Variants in ADSS2 observed in about 807,000 individuals in gnomAD.
ADSS2 encodes the protein adenylosuccinate synthase 2, also known as adenylosuccinate synthetase isozyme 2.
ADSS2 carries 30 observed loss-of-function variants against 60.0 expected under a neutral mutation model. The observed-to-expected ratio is 0.50, with a 90% confidence interval of 0.37 to 0.68. ADSS2 has a LOEUF of 0.68. Ranked by LOEUF, ADSS2 falls within the 30% of genes least tolerant of loss-of-function variation. The pLI is 0.00. For missense variants in ADSS2, 373 were observed against 554.8 expected, an observed-to-expected ratio of 0.67 and a Z score of 3.29; for synonymous variants, 187 against 193.1, an observed-to-expected ratio of 0.97 and a Z score of 0.26.
At chr1:244,421,181 G>A (rs1664668353) in intron 7 of ADSS2, among the ~76,000 whole-genome samples, 1 of 152,106 alleles carries the variant, frequency 6.6e-6, no homozygotes, top group Non-Finnish European at 1.5e-5. Context: ...CCAATACTAT[G>A]TAACACATGG....
chr1:244,435,281 C>T (rs1318770421), intron 3 of ADSS2, among the ~76,000 whole-genome samples: 1 of 148,524 alleles, frequency 6.7e-6, no homozygotes, highest in African/African-American at 2.5e-5. Context: ...AATGATTTTC[C>T]TCAATTATGT....
rs1270856881 is a variant in ADSS2 at position 244,451,110 on chromosome 1, A to G, written c.183+525T>C. Among the ~76,000 whole-genome samples, 3 of 152,190 alleles carry G rather than the reference A, an allele frequency of 2.0e-5. No individual in the cohort carries two copies. The East Asian group carries it at 5.8e-4, about 29-fold the overall frequency. ...CAGAGGAAGCAAAGCACTGCATGCCACGGTCCTGCAGATGGGGGATCGGTG... is the reference window on the plus strand; with the variant it reads ...CAGAGGAAGCAAAGCACTGCATGCCGCGGTCCTGCAGATGGGGGATCGGTG... On this transcript the variant is annotated intron_variant, in intron 1 of 12. Transcript: ENST00000366535. This position sits in a 1 kb window ranked among gnomAD's most constrained non-coding sequence, Gnocchi z 6.6.
At chr1:244,435,194 A>AAAAAAAACAAAAAAAC (rs1553308065) in intron 3 of ADSS2, among the ~76,000 whole-genome samples, 3 of 127,850 alleles carry the variant, frequency 2.3e-5, no homozygotes, top group Admixed American at 7.6e-5. Context: ...AAAAAAAAAA[A>AAAAAAAACAAAAAAAC]AAACAAACCT....
chr1:244,419,326 A>G (rs1664623314), intron 8 of ADSS2: 1 of 153,482 alleles, frequency 6.5e-6, no homozygotes, highest in African/African-American at 2.4e-5. Context: ...CAACACAAGA[A>G]TTTTGTAGGA....
chr1:244,441,083 G>T, intron 1 of ADSS2, among the ~76,000 whole-genome samples: 1 of 144,092 alleles, frequency 6.9e-6, no homozygotes. Flanking sequence ...TTTTTAGACA[G>T]AGTCTTGCTC....
chr1:244,439,365 G>A (rs1389405092), intron 1 of ADSS2, among the ~76,000 whole-genome samples: 2 of 152,172 alleles, frequency 1.3e-5, no homozygotes, highest in Non-Finnish European at 2.9e-5. Flanking sequence ...TTTTTAGCTA[G>A]TAGGTAACGA....
chr1:244,416,721 C>T (rs1664542403), intron 10 of ADSS2, among the ~76,000 whole-genome samples: 1 of 152,204 alleles, frequency 6.6e-6, no homozygotes, highest in Non-Finnish European at 1.5e-5. Context: ...GAACTCACTA[C>T]ACTACATGGA....
intron 1 of ADSS2, among the ~76,000 whole-genome samples, chr1:244,441,864 G>A (rs1179828303): frequency 3.3e-5 from 5 of 152,122 alleles, no homozygotes; most frequent in Non-Finnish European, 4.4e-5. Flanking sequence ...GCTGAGGCAG[G>A]AGAATGGCGT....
intron 1 of ADSS2, among the ~76,000 whole-genome samples, chr1:244,449,953 T>C (rs1218787451): frequency 6.6e-6 from 1 of 152,322 alleles, no homozygotes; most frequent in Non-Finnish European, 1.5e-5. Context: ...TATTTCTCCA[T>C]AGAATATTAA....
intron 4 of ADSS2, among the ~76,000 whole-genome samples, chr1:244,429,614 G>A (rs1386068734): frequency 2.0e-5 from 3 of 152,086 alleles, no homozygotes; most frequent in East Asian, 1.9e-4. Context: ...GTTTCTGGCC[G>A]GGCCGTGGCT....
chr1:244,420,064 C>T, intron 8 of ADSS2, 106 bp downstream of exon 8: 2 of 1,209,940 alleles, frequency 1.7e-6, no homozygotes, highest in East Asian at 2.4e-5. Flanking sequence ...AATATACAAG[C>T]TAAAAACATT....
At chr1:244,420,805 T>A (rs1396317162) in intron 7 of ADSS2, among the ~76,000 whole-genome samples, 1 of 152,122 alleles carries the variant, frequency 6.6e-6, no homozygotes, top group African/African-American at 2.4e-5. Context: ...CCTCCCAGGC[T>A]CAAGCGATCC....
chr1:244,440,363 C>T (rs1199269662), intron 1 of ADSS2, among the ~76,000 whole-genome samples: 1 of 152,080 alleles, frequency 6.6e-6, no homozygotes, highest in Admixed American at 6.5e-5. Context: ...AAAGCAAATA[C>T]CTATTTACAC....
At position 244,425,978 on chromosome 1, in the gene ADSS2, A is replaced by G. The variant is rs943370089; in HGVS notation, c.407-1591T>C. 5.3e-5 allele frequency among the ~76,000 whole-genome samples: 8 copies of G among 152,346 alleles called. 1 individual carries two copies. The South Asian group carries it at 1.7e-3, about 32-fold the overall frequency. On this transcript the variant is annotated intron_variant, in intron 4 of 12. Transcript: ENST00000366535. ...TCAATGGTAGAATGAATGGATTTTT[A>G]AAAGTGTGAAATGGTCATATAAGGG...
chr1:244,434,406 C>G (rs1665032793), intron 3 of ADSS2, among the ~76,000 whole-genome samples: 1 of 151,000 alleles, frequency 6.6e-6, no homozygotes. Context: ...CGATGTTTTT[C>G]TTTAAAGACA....
rs191378817 is a variant in ADSS2, at chr1:244,410,253, T to C, written c.1319-615A>G. Among the ~76,000 whole-genome samples the C allele has an allele frequency of 6.2e-4, 94 of 152,260 alleles. 1 individual carries two copies. In the Middle Eastern group the frequency reaches 0.01, roughly 17 times the overall value. Reference sequence around the variant, plus strand: ...CATGCTGGGAGGGGCAACTAGTAATTTGGAAAACAAGAATCATGCTGGAAA... The same window carrying C: ...CATGCTGGGAGGGGCAACTAGTAATCTGGAAAACAAGAATCATGCTGGAAA... On this transcript the variant is annotated intron_variant, in intron 12 of 12. Coordinates refer to ENST00000366535, the MANE Select transcript of ADSS2 (RefSeq NM_001126.5).
rs1665584385 is a variant in ADSS2 at position 244,451,332 on chromosome 1, G to A, written c.183+303C>T. ...CCACCCCGGCCTCAGTCCCGGCGCT[G>A]AGCACCACTCGCCAGACGCAAAACT... On this transcript the variant is annotated intron_variant, in intron 1 of 12. Transcript: ENST00000366535. The surrounding 1 kb of genome is among the most constrained non-coding windows in gnomAD (Gnocchi z 6.6). Among the ~76,000 whole-genome samples, 1 of 152,282 alleles carries A rather than the reference G, an allele frequency of 6.6e-6. No homozygotes were observed. The highest frequency in any genetic ancestry group is 3.4e-3 in the Middle Eastern group (1 of 294).
chr1:244,421,960 C>T (rs928224687), intron 7 of ADSS2, among the ~76,000 whole-genome samples: 1 of 152,070 alleles, frequency 6.6e-6, no homozygotes, highest in East Asian at 1.9e-4. Flanking sequence ...AGTGACAAAG[C>T]GAGACCCTGT....
At chr1:244,436,609 T>TA (rs1415707630) in intron 3 of ADSS2, among the ~76,000 whole-genome samples, 2 of 152,180 alleles carry the variant, frequency 1.3e-5, no homozygotes, top group Admixed American at 6.5e-5. Flanking sequence ...GACTAATGTG[T>TA]AAAAAAATCA....
Sources: gnomAD v4.1 joint callset for allele counts (sites outside exome capture counted in the v4.1 genomes callset) on GRCh38, gnomAD v4.1.1 for gene constraint, Gnocchi (gnomAD v3.1) non-coding constraint, MANE v1.5 for transcripts, NCBI Gene and HGNC (gene_info 2026-07-23, HGNC 2026-07-21) for gene names.